GLDC: variants seen among roughly 807,000 people sequenced by gnomAD.
The protein encoded by GLDC is glycine dehydrogenase (decarboxylating), mitochondrial.
A neutral mutation model predicts 121.3 loss-of-function variants in GLDC; 104 were observed. The observed-to-expected ratio is 0.86, with a 90% confidence interval of 0.73 to 1.01. GLDC has a LOEUF of 1.01. GLDC is among the 50% of genes least tolerant of loss of function. The pLI is 0.00. For missense variants in GLDC, 1,429 were observed against 1,306.6 expected, an observed-to-expected ratio of 1.09 and a Z score of -1.44; for synonymous variants, 546 against 480.6, an observed-to-expected ratio of 1.14 and a Z score of -1.78.
intron 8 of GLDC, among the ~76,000 whole-genome samples, chr9:6,598,673 C>G (rs140827380): frequency 1.3e-5 from 2 of 152,192 alleles, no homozygotes; most frequent in Non-Finnish European, 2.9e-5. Flanking sequence ...ATGAGTAATT[C>G]TTGTATGCAA....
intron 7 of GLDC, among the ~76,000 whole-genome samples, chr9:6,604,086 C>T (rs770674509): frequency 1.3e-5 from 2 of 151,898 alleles, no homozygotes; most frequent in Non-Finnish European, 2.9e-5. Flanking sequence ...TGAACATCTA[C>T]GTTTTTAATC....
At chr9:6,637,977 G>A (rs1173824606) in intron 2 of GLDC, among the ~76,000 whole-genome samples, 1 of 151,024 alleles carries the variant, frequency 6.6e-6, no homozygotes, top group Non-Finnish European at 1.5e-5. Flanking sequence ...GTGTCAGCCT[G>A]TAATCTCATC....
chr9:6,605,139 G>C lies in GLDC; in HGVS notation c.853C>G (p.Gln285Glu). 6.2e-7 allele frequency: 1 copy of C among 1,612,500 alleles called. No homozygotes were observed. The highest frequency in any genetic ancestry group is 8.5e-7 in the Non-Finnish European group (1 of 1,179,902). ...AAGAAAGGTATACCTACCCCACTCT[G>C]ATGAGCTCTCTCCACGAGTTCCGTA... is the stretch of plus-strand genomic sequence containing the variant. ...DFTELVERAH[Q>E]SGSLACCATD... The change falls in exon 6 of 25, where the codon CAG becomes GAG. Residue 285 changes from glutamine (Q) to glutamate (E), a missense_variant. Gln to Glu is a conservative substitution (Grantham distance 29). Transcript: ENST00000321612.
chr9:6,604,378 C>T (rs41298182), intron 7 of GLDC, among the ~76,000 whole-genome samples: 405 of 152,242 alleles, frequency 2.7e-3, no homozygotes, highest in Non-Finnish European at 4.1e-3. Context: ...AAATTATACA[C>T]AAAATTTTTC....
At chr9:6,604,541 G>A (rs781353805) in intron 7 of GLDC, 47 bp downstream of exon 7, 2 of 1,505,314 alleles carry the variant, frequency 1.3e-6, no homozygotes, top group African/African-American at 1.4e-5. Context: ...GAAGAAATCA[G>A]GGAAATCATA....
intron 3 of GLDC, among the ~76,000 whole-genome samples, chr9:6,616,160 T>C (rs1220823652): frequency 6.6e-6 from 1 of 152,222 alleles, no homozygotes; most frequent in Non-Finnish European, 1.5e-5. Flanking sequence ...TTCGTTTTCA[T>C]CTTTAAAAAA....
At chr9:6,561,269 T>C (rs1034848272) in intron 16 of GLDC, among the ~76,000 whole-genome samples, 1 of 152,242 alleles carries the variant, frequency 6.6e-6, no homozygotes, top group African/African-American at 2.4e-5. Context: ...CTCATTTATA[T>C]GTTGCTGTCA....
intron 4 of GLDC, among the ~76,000 whole-genome samples, chr9:6,608,463 G>A (rs1203173286): frequency 4.0e-5 from 6 of 149,308 alleles, no homozygotes; most frequent in African/African-American, 1.2e-4. Flanking sequence ...TAACTCGGCC[G>A]GGCTCAGTGG....
At chr9:6,615,769 C>T (rs1376130806) in intron 3 of GLDC, among the ~76,000 whole-genome samples, 1 of 152,108 alleles carries the variant, frequency 6.6e-6, no homozygotes, top group East Asian at 1.9e-4. Context: ...TATCACTAGG[C>T]CTGGCTAATT....
rs150037364 is a variant in GLDC at position 6,550,693 on chromosome 9, T to C, written c.2569+110A>G. On this transcript the variant is annotated intron_variant, in intron 21 of 24. Transcript: ENST00000321612. ...AAGAACTCTACACTATTTTCTGATA[T>C]GTGCTAAGAAATAGAAGTCTCTTGC... 8.3e-4 allele frequency: 639 copies of C among 771,744 alleles called. 4 individuals are homozygous for C. The African/African-American group carries it at 9.6e-3, about 12-fold the overall frequency. The allele number at this position is 771,744 out of a possible 1,614,324, so 47.8% of individuals were successfully genotyped here.
At position 6,540,120 on chromosome 9, in the gene GLDC, C is replaced by G. The variant is rs2129663304; in HGVS notation, c.2596G>C (p.Asp866His). ...GCAGACTTTTTGAAGGGTCTCGTGT[C>G]CAAAATAAATTCATGACCCACATAA... ...RGYVGHEFIL[D>H]TRPFKKSANI... The change falls in exon 22 of 25, where the codon GAC becomes CAC. Residue 866 changes from aspartate (D) to histidine (H), a missense_variant. Asp to His is a moderately conservative substitution (Grantham distance 81). Transcript: ENST00000321612. The G allele has an allele frequency of 6.2e-7, 1 of 1,612,530 alleles. No homozygotes were observed.
At chr9:6,641,538 G>C (rs1819628517) in intron 2 of GLDC, among the ~76,000 whole-genome samples, 1 of 152,234 alleles carries the variant, frequency 6.6e-6, no homozygotes, top group Non-Finnish European at 1.5e-5. Context: ...TGGGCTGCCT[G>C]GGTTTGAATT....
At chr9:6,564,156 A>G (rs57195296) in intron 16 of GLDC, among the ~76,000 whole-genome samples, 2,655 of 151,988 alleles carry the variant, frequency 0.017, 68 homozygotes, top group African/African-American at 0.061. Context: ...GCTGAGGCAC[A>G]AGAATCGCTT....
intron 3 of GLDC, among the ~76,000 whole-genome samples, chr9:6,612,769 G>T (rs779091202): frequency 6.6e-6 from 1 of 152,190 alleles, no homozygotes; most frequent in Admixed American, 6.5e-5. Context: ...GGCTGAGGCA[G>T]AAGAATCGCT....
intron 2 of GLDC, among the ~76,000 whole-genome samples, chr9:6,626,107 AC>A (rs1056166188): frequency 5.8e-4 from 88 of 151,766 alleles, no homozygotes; most frequent in African/African-American, 2.1e-3. Context: ...TTGCTTGCAG[AC>A]TTTTGGAAGG....
chr9:6,549,318 G>A (rs1354311225), intron 21 of GLDC, among the ~76,000 whole-genome samples: 1 of 142,316 alleles, frequency 7.0e-6, no homozygotes, highest in African/African-American at 2.5e-5. Flanking sequence ...GACAGAGCCA[G>A]ACAATACCAA....
At chr9:6,578,823 G>A (rs1482448633) in intron 15 of GLDC, among the ~76,000 whole-genome samples, 1 of 152,152 alleles carries the variant, frequency 6.6e-6, no homozygotes, top group Admixed American at 6.6e-5. Flanking sequence ...ATGAGCTACT[G>A]CACCTGGCTT....
chr9:6,570,352 A>G (rs1817935840), intron 15 of GLDC, among the ~76,000 whole-genome samples: 1 of 152,224 alleles, frequency 6.6e-6, no homozygotes, highest in African/African-American at 2.4e-5. Flanking sequence ...TAAGATTTAT[A>G]TATTTTTGAA....
In GLDC at chr9:6,592,951, A is replaced by G. The variant is rs1265788933; in HGVS notation, c.1301T>C (p.Phe434Ser). The change falls in exon 10 of 25, where the codon TTC becomes TCC. Residue 434 changes from phenylalanine (F) to serine (S), a missense_variant. By Grantham distance (155) the Phe-to-Ser change is radical (BLOSUM62 -2). Coordinates refer to ENST00000321612, the MANE Select transcript of GLDC (RefSeq NM_000170.3). ...RAGHQLQHDL[F>S]FDTLKIQCGC... Reference sequence around the variant, plus strand: ...ACACTGAATCTTCAAGGTATCAAAGAACAGGTCATGCTGGAGTTGATGCCC... The same window carrying G: ...ACACTGAATCTTCAAGGTATCAAAGGACAGGTCATGCTGGAGTTGATGCCC... The G allele has an allele frequency of 3.7e-6, 6 of 1,614,164 alleles. No individual in the cohort carries two copies. Among genetic ancestry groups the G allele is most frequent in the Non-Finnish European group, 5.1e-6 (6 of 1,179,976 alleles).
Sources: gnomAD v4.1 joint callset for allele counts (sites outside exome capture counted in the v4.1 genomes callset) on GRCh38, gnomAD v4.1.1 for gene constraint, MANE v1.5 for transcripts, NCBI Gene and HGNC (gene_info 2026-07-23, HGNC 2026-07-21) for gene names.